Variants in IGSF9B observed in about 807,000 individuals in gnomAD.
IGSF9B encodes protein turtle homolog B.
IGSF9B carries 48 observed loss-of-function variants against 143.7 expected under a neutral mutation model. The ratio of observed to expected loss-of-function variants is 0.33; its 90% confidence interval spans 0.26 to 0.42. IGSF9B has a LOEUF of 0.42. Among genes scored for constraint, IGSF9B ranks in the 20% least tolerant of loss-of-function variants. IGSF9B has a pLI of 1.00. For missense variants in IGSF9B, 1,706 were observed against 1,980.0 expected, an observed-to-expected ratio of 0.86 and a Z score of 2.63; for synonymous variants, 903 against 833.1, an observed-to-expected ratio of 1.08 and a Z score of -1.44.
rs1354646163 is a variant in IGSF9B, at chr11:133,921,283, C to T, written c.2442G>A (p.Glu814=). 5 of 1,611,058 alleles carry T rather than the reference C, an allele frequency of 3.1e-6. No individual in the cohort carries two copies. Among genetic ancestry groups the T allele is most frequent in the Non-Finnish European group, 4.2e-6 (5 of 1,178,884 alleles). ...AAKRMLSPTR[E]KELSLYKKTK... is the part of the protein sequence containing the mutation. ...TCTTCTTGTACAGCGACAGCTCCTT[C>T]TCACGGGTGGGGCTCAGCATCCTCT... Residue 814 remains glutamate, a synonymous_variant, in exon 18 of 20, where the codon GAG becomes GAA. Coordinates refer to ENST00000533871, the MANE Select transcript of IGSF9B (RefSeq NM_001277285.4).
Position 133,931,331 on chromosome 11 carries a change from G to C in IGSF9B, c.1368+122C>G. 1.2e-6 allele frequency: 1 copy of C among 847,630 alleles called. No homozygotes were observed. Among genetic ancestry groups the C allele is most frequent in the Non-Finnish European group, 1.9e-6 (1 of 539,714 alleles). The allele number at this position is 847,630 out of a possible 1,614,324, so 52.5% of individuals were successfully genotyped here. ...GGGCAGGTCCAGAATAGAACTGCTC[G>C]CTGGGCCCTCACACCTCCCCTCAGC... On this transcript the variant is annotated intron_variant, in intron 10 of 19. Coordinates refer to ENST00000533871, the MANE Select transcript of IGSF9B (RefSeq NM_001277285.4). The surrounding 1 kb of genome is among the most constrained non-coding windows in gnomAD (Gnocchi z 7.7).
In IGSF9B at chr11:133,901,940, C is replaced by G. The variant is rs1310561418; in HGVS notation, c.*7129G>C. On this transcript the variant is annotated 3_prime_UTR_variant, in exon 20 of 20. Coordinates refer to ENST00000533871, the MANE Select transcript of IGSF9B (RefSeq NM_001277285.4). ...AACACACACCAAACCACACAACACA[C>G]ACACACATCACACACATGCACACCG... Among the ~76,000 whole-genome samples the G allele has an allele frequency of 1.0e-5, 1 of 95,994 alleles. No individual in the cohort carries two copies. Among genetic ancestry groups the G allele is most frequent in the Non-Finnish European group, 2.5e-5 (1 of 40,766 alleles). The allele number at this position is 95,994 out of a possible 152,430, so 63.0% of individuals were successfully genotyped here. A position where few individuals can be genotyped will look rare whatever the true frequency, so the allele number is the denominator to read the frequency against.
rs938805754 is a variant in IGSF9B at position 133,927,179 on chromosome 11, G to C, written c.1632-88C>G. On this transcript the variant is annotated intron_variant, in intron 12 of 19. Transcript: ENST00000533871. ...AGGGTGCATGCAGGGTGCTCAGGGA[G>C]AAGGCACTGGTGGGCCTGGCGTTCC... 6 of 1,089,666 alleles carry C rather than the reference G, an allele frequency of 5.5e-6. No homozygotes were observed. In the African/African-American group the frequency reaches 9.4e-5, roughly 17 times the overall value. The allele number at this position is 1,089,666 out of a possible 1,614,324, so 67.5% of individuals were successfully genotyped here.
chr11:133,950,329 G>A (rs76436329), intron 1 of IGSF9B, among the ~76,000 whole-genome samples: 38 of 152,344 alleles, frequency 2.5e-4, no homozygotes, highest in African/African-American at 6.0e-4. Context: ...CAAGCCTCGC[G>A]TGCTGTGAAT....
intron 1 of IGSF9B, among the ~76,000 whole-genome samples, chr11:133,954,832 T>C (rs1010700744): frequency 6.6e-6 from 1 of 152,124 alleles, no homozygotes; most frequent in Non-Finnish European, 1.5e-5. Context: ...CAGGGGTACA[T>C]GTCCAGCCAT....
At chr11:133,919,216 G>A in intron 18 of IGSF9B, 2 of 369,306 alleles carry the variant, frequency 5.4e-6, no homozygotes, top group South Asian at 2.0e-5. Context: ...GGAGTCCGGC[G>A]CTCACTAGGG....
At position 133,919,931 on chromosome 11, in the gene IGSF9B, C is replaced by G; in HGVS notation, c.3794G>C (p.Gly1265Ala). 1 of 1,555,974 alleles carries G rather than the reference C, an allele frequency of 6.4e-7. No individual in the cohort carries two copies. Among genetic ancestry groups the G allele is most frequent in the African/African-American group, 1.4e-5 (1 of 72,848 alleles). ...CATGGCGGGCCGGTAGCTGGGACTCCCACTGCGGCTGCTCTGGGAGGGGGA... is the reference window on the plus strand; with the variant it reads ...CATGGCGGGCCGGTAGCTGGGACTCGCACTGCGGCTGCTCTGGGAGGGGGA... ...TGSPSQSSRS[G>A]SPSYRPAMGF... Residue 1265 changes from glycine to alanine, a missense_variant, in exon 18 of 20, where the codon GGG becomes GCG. By Grantham distance (60) the Gly-to-Ala change is moderately conservative. Coordinates refer to ENST00000533871, the MANE Select transcript of IGSF9B (RefSeq NM_001277285.4).
intron 1 of IGSF9B, among the ~76,000 whole-genome samples, chr11:133,950,836 C>T (rs760104615): frequency 6.6e-6 from 1 of 151,670 alleles, no homozygotes; most frequent in Non-Finnish European, 1.5e-5. Flanking sequence ...CACCAGCATC[C>T]GTTGCTCATT....
At chr11:133,938,352 C>T (rs147858751) in intron 3 of IGSF9B, among the ~76,000 whole-genome samples, 26 of 152,294 alleles carry the variant, frequency 1.7e-4, no homozygotes, top group African/African-American at 6.3e-4. Context: ...GCCAGGCCCC[C>T]GCGTTTCCAG....
intron 7 of IGSF9B, 22 bp from the exon 8 acceptor site, chr11:133,932,235 G>A (rs1389782023): frequency 1.3e-6 from 2 of 1,544,372 alleles, no homozygotes; most frequent in Non-Finnish European, 1.7e-6. Context: ...AAGCGCAGGT[G>A]AGAGAGCAGA....
intron 18 of IGSF9B, among the ~76,000 whole-genome samples, chr11:133,917,576 C>T (rs1199760469): frequency 6.6e-6 from 1 of 152,084 alleles, no homozygotes; most frequent in Non-Finnish European, 1.5e-5. Context: ...GGTCACATTT[C>T]AGTCCTGTGA....
Position 133,899,237 on chromosome 11 carries a change from C to T in IGSF9B, c.*9832G>A, listed in dbSNP as rs1169573101. The T allele has an allele frequency of 6.6e-6, 1 of 152,384 alleles. No individual in the cohort carries two copies. Among genetic ancestry groups the T allele is most frequent in the Non-Finnish European group, 1.5e-5 (1 of 68,128 alleles). The allele number at this position is 152,384 out of a possible 1,614,324, so 9.4% of individuals were successfully genotyped here. A position where few individuals can be genotyped will look rare whatever the true frequency, so the allele number is the denominator to read the frequency against. The stretch of plus-strand genomic sequence containing the variant: ...TGGCAGTGGCTGTGGGCCGTAAAAG[C>T]TCCATCAGAGCACACTCATCCACCT... On this transcript the variant is annotated 3_prime_UTR_variant, in exon 20 of 20. Transcript: ENST00000533871.
Position 133,944,370 on chromosome 11 carries a change from G to A in IGSF9B, c.263-4C>T, listed in dbSNP as rs1421572892. The A allele has an allele frequency of 1.6e-5, 25 of 1,612,808 alleles. No homozygotes were observed. Among genetic ancestry groups the A allele is most frequent in the Non-Finnish European group, 1.8e-5 (21 of 1,179,800 alleles). ...TTATCATGAAGACTGGCCCGGCCTG[G>A]GGGAATAGAGCAGACAAAAGCCCCA... is the stretch of plus-strand genomic sequence containing the variant. On this transcript the variant is annotated splice_polypyrimidine_tract_variant and splice_region_variant and intron_variant, in intron 2 of 19. Coordinates refer to ENST00000533871, the MANE Select transcript of IGSF9B (RefSeq NM_001277285.4).
At position 133,937,791 on chromosome 11, in the gene IGSF9B, A is replaced by G. The variant is rs749029298; in HGVS notation, c.561+19T>C. On this transcript the variant is annotated intron_variant, in intron 4 of 19. Coordinates refer to ENST00000533871, the MANE Select transcript of IGSF9B (RefSeq NM_001277285.4). ...CGGGGGAAGAGACCGCAGCGGCCCC[A>G]ACCTAGAACCACACTCACCTGGTAT... The G allele has an allele frequency of 6.2e-7, 1 of 1,605,202 alleles. No homozygotes were observed. Among genetic ancestry groups the G allele is most frequent in the South Asian group, 1.1e-5 (1 of 89,744 alleles).
At chr11:133,944,773 G>A (rs986319158) in intron 2 of IGSF9B, among the ~76,000 whole-genome samples, 3 of 152,156 alleles carry the variant, frequency 2.0e-5, no homozygotes, top group African/African-American at 2.4e-5. Flanking sequence ...GGTCTCCAGC[G>A]CACCCGGGAG....
chr11:133,911,306 G>C (rs1198035590), intron 19 of IGSF9B, among the ~76,000 whole-genome samples: 1 of 152,182 alleles, frequency 6.6e-6, no homozygotes, highest in Non-Finnish European at 1.5e-5. Context: ...CCTCTCTGTG[G>C]GGTAAGGAGG....
intron 19 of IGSF9B, among the ~76,000 whole-genome samples, chr11:133,911,054 A>C (rs2121269381): frequency 6.6e-6 from 1 of 151,764 alleles, no homozygotes; most frequent in South Asian, 2.1e-4. Context: ...TCTATATAAC[A>C]CTCTCCCATA....
At chr11:133,911,441 G>A (rs1055238240) in intron 19 of IGSF9B, among the ~76,000 whole-genome samples, 3 of 152,214 alleles carry the variant, frequency 2.0e-5, no homozygotes, top group African/African-American at 7.2e-5. Flanking sequence ...TGAAATGATA[G>A]AGGGGAAGTA....
chr11:133,919,960 T>C lies in IGSF9B; in HGVS notation c.3765A>G (p.Thr1255=). ...VSFSRKSTPS[T]GSPSQSSRSG... is the part of the protein sequence containing the mutation. The stretch of plus-strand genomic sequence containing the variant: ...TGCGGCTGCTCTGGGAGGGGGAGCC[T>C]GTGGACGGCGTAGACTTTCGAGAAA... The change falls in exon 18 of 20, where the codon ACA becomes ACG. Residue 1255 remains threonine, a synonymous_variant. Coordinates refer to ENST00000533871, the MANE Select transcript of IGSF9B (RefSeq NM_001277285.4). 1 of 1,563,658 alleles carries C rather than the reference T, an allele frequency of 6.4e-7. No homozygotes were observed. Among genetic ancestry groups the C allele is most frequent in the Non-Finnish European group, 8.7e-7 (1 of 1,154,068 alleles).
Sources: gnomAD v4.1 joint callset for allele counts (sites outside exome capture counted in the v4.1 genomes callset) on GRCh38, gnomAD v4.1.1 for gene constraint, Gnocchi (gnomAD v3.1) non-coding constraint, MANE v1.5 for transcripts, NCBI Gene and HGNC (gene_info 2026-07-23, HGNC 2026-07-21) for gene names.